The following FHIP2B variants were observed in gnomAD, a reference collection of about 807,000 sequenced individuals.
The protein encoded by FHIP2B is FHF complex subunit HOOK-interacting protein 2B.
A neutral mutation model predicts 84.0 loss-of-function variants in FHIP2B; 72 were observed. The ratio of observed to expected loss-of-function variants is 0.86; its 90% CI spans 0.71 to 1.04. The LOEUF is 1.04. Ranked by LOEUF, FHIP2B falls within the 50% of genes least tolerant of loss-of-function variation. The pLI is 0.00. For missense variants in FHIP2B, 972 were observed against 968.9 expected, an observed-to-expected ratio of 1.00 and a Z score of -0.04; for synonymous variants, 497 against 418.7, an observed-to-expected ratio of 1.19 and a Z score of -2.28.
At chr8:22,099,421 G>A in intron 9 of FHIP2B, 61 bp downstream of exon 9, 1 of 1,542,830 alleles carries the variant, frequency 6.5e-7, no homozygotes, top group Non-Finnish European at 8.9e-7. Flanking sequence ...ACCCCACCCA[G>A]CCTCGTCCTG....
intron 12 of FHIP2B, 135 bp from the exon 13 acceptor site, chr8:22,101,305 G>C (rs1826098324): frequency 5.5e-6 from 4 of 725,972 alleles, no homozygotes; most frequent in Middle Eastern, 7.5e-4. Context: ...TTACAGACAT[G>C]AGCCACCGTG....
At position 22,102,601 on chromosome 8, in the gene FHIP2B, A is replaced by G. The variant is rs763566057; in HGVS notation, c.2066A>G (p.Gln689Arg). Reference protein sequence around the residue: ...FPGKLLLVRKQLTGQAPGEQL... With the variant: ...FPGKLLLVRKRLTGQAPGEQL... ...GGCAAGCTGCTCCTGGTGCGCAAGCAGTTGACGGGCCAGGCTCCTGGGGAG... is the reference window on the plus strand; with the variant it reads ...GGCAAGCTGCTCCTGGTGCGCAAGCGGTTGACGGGCCAGGCTCCTGGGGAG... Residue 689 changes from glutamine (Q) to arginine (R), a missense_variant, in exon 16 of 17, where the codon CAG becomes CGG. By Grantham distance (43) the Gln-to-Arg change is conservative. Transcript: ENST00000289921. The G allele has an allele frequency of 3.8e-6, 6 of 1,563,660 alleles. No homozygotes were observed. Among genetic ancestry groups the G allele is most frequent in the Non-Finnish European group, 4.3e-6 (5 of 1,154,326 alleles).
rs778159960 is a variant in FHIP2B, at chr8:22,100,571, T to TG, written c.1342-22dup. 8.6e-6 allele frequency: 13 copies of TG among 1,519,734 alleles called. No homozygotes were observed. In the African/African-American group the frequency reaches 1.7e-4, roughly 20 times the overall value. The allele number at this position is 1,519,734 out of a possible 1,614,324, so 94.1% of individuals were successfully genotyped here. Reference sequence around the variant, plus strand: ...GAGCTGGGTGGGGAAGGGGCTATCCTGCCGACCCCCTTCCTGCTCCAGATC... The same window carrying TG: ...GAGCTGGGTGGGGAAGGGGCTATCCTGGCCGACCCCCTTCCTGCTCCAGATC... On this transcript the variant is annotated intron_variant, in intron 10 of 16. Transcript: ENST00000289921.
Position 22,096,515 on chromosome 8 carries a change from A to T in FHIP2B, c.297+6A>T. 1 of 1,524,082 alleles carries T rather than the reference A, an allele frequency of 6.6e-7. No homozygotes were observed. The highest frequency in any genetic ancestry group is 8.9e-7 in the Non-Finnish European group (1 of 1,129,932). 94.4% of individuals were successfully genotyped at this position (1,524,082 alleles called of 1,614,324 possible). A position where few individuals can be genotyped will look rare whatever the true frequency, so the allele number is the denominator to read the frequency against. On this transcript the variant is annotated splice_donor_region_variant and intron_variant, in intron 3 of 16. Transcript: ENST00000289921. The stretch of plus-strand genomic sequence containing the variant: ...GCACGCTGGGCAAGGCCGAGGTGGG[A>T]GGCCCTCTGCGCGCTGGGCCAGGCC...
Position 22,102,308 on chromosome 8 carries a change from T to G in FHIP2B, c.1985T>G (p.Leu662Trp). 2 of 1,609,012 alleles carry G rather than the reference T, an allele frequency of 1.2e-6. No individual in the cohort carries two copies. Among genetic ancestry groups the G allele is most frequent in the Non-Finnish European group, 1.7e-6 (2 of 1,178,370 alleles). The change falls in exon 15 of 17, where the codon TTG becomes TGG. Residue 662 changes from leucine to tryptophan, a missense_variant. Coordinates refer to ENST00000289921, the MANE Select transcript of FHIP2B (RefSeq NM_022749.7). Reference sequence around the variant, plus strand: ...GGCTGCAGGAGCCTATTCTCCGTGTTGGTGAGGGTGAGGACGCCTCGGCCC... The same window carrying G: ...GGCTGCAGGAGCCTATTCTCCGTGTGGGTGAGGGTGAGGACGCCTCGGCCC... Reference protein sequence around the residue: ...APGCRSLFSVLVRVIGDLMQR... With the variant: ...APGCRSLFSVWVRVIGDLMQR...
chr8:22,098,809 C>G (rs560331675), intron 7 of FHIP2B, 139 bp from the exon 8 acceptor site: 1 of 940,180 alleles, frequency 1.1e-6, no homozygotes, highest in African/African-American at 1.6e-5. Context: ...CTGCCTCTGT[C>G]CATAAAACCC....
rs778614167 is a variant in FHIP2B, at chr8:22,100,833, C to T, written c.1488-11C>T. 3.1e-6 allele frequency: 5 copies of T among 1,613,766 alleles called. No individual in the cohort carries two copies. The highest frequency in any genetic ancestry group is 1.3e-5 in the African/African-American group (1 of 74,924). ...ATTCACTGGTGCCGTACTGCTCTGCCCTGGCCACAGAGACCTGGAGGAAGA... is the reference window on the plus strand; with the variant it reads ...ATTCACTGGTGCCGTACTGCTCTGCTCTGGCCACAGAGACCTGGAGGAAGA... On this transcript the variant is annotated splice_polypyrimidine_tract_variant and intron_variant, in intron 11 of 16. Transcript: ENST00000289921.
At chr8:22,099,993 C>T in intron 10 of FHIP2B, 100 bp downstream of exon 10, 1 of 1,248,480 alleles carries the variant, frequency 8.0e-7, no homozygotes, top group Admixed American at 3.3e-5. Context: ...GTTGACTCCA[C>T]CTTTGAGACA....
chr8:22,092,559 G>T, intron 1 of FHIP2B, among the ~76,000 whole-genome samples: 1 of 116,056 alleles, frequency 8.6e-6, no homozygotes, highest in African/African-American at 3.3e-5. Context: ...CAGTGACGGT[G>T]AGACTCTTTT....
Position 22,102,207 on chromosome 8 carries a change from C to G in FHIP2B, c.1884C>G (p.Val628=). 6.2e-7 allele frequency: 1 copy of G among 1,613,596 alleles called. No individual in the cohort carries two copies. Among genetic ancestry groups the G allele is most frequent in the South Asian group, 1.1e-5 (1 of 91,086 alleles). The change falls in exon 15 of 17, where the codon GTC becomes GTG. Residue 628 remains valine (V), a synonymous_variant. Coordinates refer to ENST00000289921, the MANE Select transcript of FHIP2B (RefSeq NM_022749.7). ...GCCTGAACCTGCAGGTGACCTCGGT[C>G]CTGTCCCGGCTTGCCCTCTTCCCCC... The part of the protein sequence containing the change: ...PYSLNLQVTS[V]LSRLALFPHP...
rs992755114 is a variant in FHIP2B, at chr8:22,103,217, T to C, written c.*286T>C. On this transcript the variant is annotated 3_prime_UTR_variant, in exon 17 of 17. Coordinates refer to ENST00000289921, the MANE Select transcript of FHIP2B (RefSeq NM_022749.7). ...ACCCAGACCCCAGACCCTCATGTGC[T>C]GTGTGCCTGGCCCCTTCTGTACTGG... is the stretch of plus-strand genomic sequence containing the variant. The C allele has an allele frequency of 4.4e-6, 2 of 449,984 alleles. No individual in the cohort carries two copies. Among genetic ancestry groups the C allele is most frequent in the African/African-American group, 4.0e-5 (2 of 50,396 alleles). 27.9% of individuals were successfully genotyped at this position (449,984 alleles called of 1,614,324 possible). A position where few individuals can be genotyped will look rare whatever the true frequency, so the allele number is the denominator to read the frequency against.
rs758928486 is a variant in FHIP2B at position 22,098,956 on chromosome 8, G to C, written c.974G>C (p.Ser325Thr). ...CTCCCCTCTTCCTTCAGGTTACCCAGTGCCCCGTCTGATGAGGCTTCCTTC... is the reference window on the plus strand; with the variant it reads ...CTCCCCTCTTCCTTCAGGTTACCCACTGCCCCGTCTGATGAGGCTTCCTTC... Reference protein sequence around the residue: ...TLEGISWRLPSAPSDEASFPG... With the variant: ...TLEGISWRLPTAPSDEASFPG... Residue 325 changes from serine (S) to threonine (T), a missense_variant, in exon 8 of 17, where the codon AGT (serine) becomes ACT (threonine). Ser to Thr is a moderately conservative substitution (Grantham distance 58). Transcript: ENST00000289921. 1 of 1,604,072 alleles carries C rather than the reference G, an allele frequency of 6.2e-7. No homozygotes were observed.
chr8:22,097,868 G>A (rs773375469), intron 5 of FHIP2B, 29 bp downstream of exon 5: 3 of 1,607,342 alleles, frequency 1.9e-6, no homozygotes, highest in Admixed American at 3.3e-5. Flanking sequence ...AACAGGAGGG[G>A]GAGGGCCCAG....
chr8:22,099,335 A>G lies in FHIP2B; in HGVS notation c.1126A>G (p.Thr376Ala). ...TGTGGCTGAGAACTTCTTCGTGGAG[A>G]CCCTGCAGCCCCAGCTCCTGCACGT... ...KAVAENFFVE[T>A]LQPQLLHVSE... Residue 376 changes from threonine to alanine, a missense_variant, in exon 9 of 17, where the codon ACC becomes GCC. Physicochemically the swap from Thr to Ala is moderately conservative, Grantham distance 58. Coordinates refer to ENST00000289921, the MANE Select transcript of FHIP2B (RefSeq NM_022749.7). The G allele has an allele frequency of 6.2e-7, 1 of 1,613,642 alleles. No homozygotes were observed. Among genetic ancestry groups the G allele is most frequent in the Non-Finnish European group, 8.5e-7 (1 of 1,179,796 alleles).
rs1586314646 is a variant in FHIP2B at position 22,092,788 on chromosome 8, T to C, written c.46-1652T>C. Among the ~76,000 whole-genome samples the C allele has an allele frequency of 3.3e-5, 5 of 152,250 alleles. No individual in the cohort carries two copies. In the South Asian group the frequency reaches 1.0e-3, roughly 32 times the overall value. ...TTGACCTGGTTCTTCAAGTTTTAGT[T>C]GAGATGTGATCTTGGTAAAGCCTTC... On this transcript the variant is annotated intron_variant, in intron 1 of 16. Transcript: ENST00000289921.
At chr8:22,089,515 C>T (rs1825353102) in intron 1 of FHIP2B, among the ~76,000 whole-genome samples, 1 of 150,552 alleles carries the variant, frequency 6.6e-6, no homozygotes. Flanking sequence ...CCCGACCGCC[C>T]CACCTCCCCG....
Position 22,102,912 on chromosome 8 carries a change from C to T in FHIP2B, c.2213C>T (p.Ala738Val). The change falls in exon 17 of 17, where the codon GCC (alanine) becomes GTC (valine). Residue 738 changes from alanine (A) to valine (V), a missense_variant. Transcript: ENST00000289921. ...GATCCTCGCCAGAACGTCTCCCCAG[C>T]CCCGGAAGGGCAGGTCTGAGCCAGC... ...PHDPRQNVSPAPEGQV is the reference protein window; with the variant it reads ...PHDPRQNVSPVPEGQV 2 of 1,613,540 alleles carry T rather than the reference C, an allele frequency of 1.2e-6. No individual in the cohort carries two copies. Among genetic ancestry groups the T allele is most frequent in the Non-Finnish European group, 1.7e-6 (2 of 1,179,806 alleles).
chr8:22,089,631 TCCTGCCCC>T, intron 1 of FHIP2B: 1 of 460,122 alleles, frequency 2.2e-6, no homozygotes, highest in South Asian at 2.0e-5. Flanking sequence ...TTGGGGTGTT[TCCTGCCCC>T]CCGGGGCCCT....
chr8:22,093,471 CCA>C (rs1418242779), intron 1 of FHIP2B, among the ~76,000 whole-genome samples: 4 of 152,046 alleles, frequency 2.6e-5, no homozygotes, highest in African/African-American at 9.7e-5. Flanking sequence ...CCAGAATTTT[CCA>C]GGGCTTGATA....
Sources: allele counts gnomAD v4.1 joint callset (sites outside exome capture counted in the v4.1 genomes callset), GRCh38; gene constraint gnomAD v4.1.1; transcripts MANE v1.5; gene names NCBI Gene and HGNC (gene_info 2026-07-23, HGNC 2026-07-21).